The following PRH1 variants were observed in gnomAD, a reference collection of about 807,000 sequenced individuals.
PRH1 encodes the protein salivary acidic proline-rich phosphoprotein 1/2.
In PRH1, 7 loss-of-function variants were observed where a neutral mutation model predicts 7.9. The observed-to-expected ratio is 0.89, with a 90% CI of 0.50 to 1.67. PRH1 has a LOEUF of 1.67. Among genes scored for constraint, PRH1 ranks in the 40% most tolerant of loss-of-function variants. The pLI is 0.00. For synonymous variants in PRH1, 45 were observed against 80.8 expected (o/e 0.56, Z 2.38); for missense variants, 109 against 223.6 (o/e 0.49, Z 3.27).
intron 1 of PRH1, among the ~76,000 whole-genome samples, chr12:11,138,654 A>C (rs552967211): frequency 1.3e-5 from 2 of 152,262 alleles, no homozygotes; most frequent in Non-Finnish European, 2.9e-5. Context: ...TCTAGCAATC[A>C]TAAATATTCA....
intron 2 of PRH1, chr12:10,908,486 G>A: frequency 6.2e-7 from 1 of 1,613,902 alleles, no homozygotes. Flanking sequence ...AAGGAGAGAA[G>A]ACTCCAATCG....
intron 2 of PRH1, among the ~76,000 whole-genome samples, chr12:10,899,737 T>C (rs953217479): frequency 2.0e-5 from 3 of 152,180 alleles, no homozygotes; most frequent in East Asian, 3.8e-4. Flanking sequence ...CTTTTATTTA[T>C]AAATTACTCA....
chr12:10,924,720 T>A (rs908985524), intron 2 of PRH1, among the ~76,000 whole-genome samples: 1 of 152,180 alleles, frequency 6.6e-6, no homozygotes, highest in Admixed American at 6.5e-5. Flanking sequence ...TCTTCCTGGT[T>A]TAGTCTTGGG....
At chr12:11,098,117 CTT>C (rs1945115993) in intron 1 of PRH1, among the ~76,000 whole-genome samples, 1 of 26,466 alleles carries the variant, frequency 3.8e-5, no homozygotes, top group Non-Finnish European at 1.5e-4. Flanking sequence ...TTTAGTTTAT[CTT>C]TTAATAGCAT....
intron 2 of PRH1, among the ~76,000 whole-genome samples, chr12:10,962,555 C>A (rs1431646459): frequency 6.6e-6 from 1 of 152,174 alleles, no homozygotes; most frequent in African/African-American, 2.4e-5. Flanking sequence ...TTAGATAATT[C>A]TGTCATCTCA....
chr12:11,086,344 T>TTC (rs1944696236), intron 1 of PRH1, among the ~76,000 whole-genome samples: 1 of 125,140 alleles, frequency 8.0e-6, no homozygotes, highest in Admixed American at 8.0e-5. Flanking sequence ...AAAAACGTGT[T>TTC]CCATTGAAGA....
intron 1 of PRH1, chr12:10,997,188 T>G: frequency 6.2e-7 from 1 of 1,614,070 alleles, no homozygotes; most frequent in Non-Finnish European, 8.5e-7. Flanking sequence ...GAGGTCACAG[T>G]TTGCAGAGCT....
intron 2 of PRH1, among the ~76,000 whole-genome samples, chr12:10,962,484 T>C (rs933946917): frequency 9.9e-5 from 15 of 152,226 alleles, no homozygotes; most frequent in African/African-American, 3.4e-4. Flanking sequence ...AGGCTATATA[T>C]AGCGATATTT....
intron 1 of PRH1, chr12:11,061,464 G>A (rs553708509): frequency 3.1e-6 from 5 of 1,614,170 alleles, no homozygotes; most frequent in East Asian, 2.2e-5. Context: ...AAATCAGGAT[G>A]AATGGGTGGG....
intron 1 of PRH1, among the ~76,000 whole-genome samples, chr12:11,170,204 T>C (rs1425308164): frequency 6.6e-6 from 1 of 152,208 alleles, no homozygotes; most frequent in Admixed American, 6.5e-5. Context: ...AACAAAAGTA[T>C]TGTGGCTATT....
upstream of PRH1, among the ~76,000 whole-genome samples, chr12:10,884,821 A>G (rs1426484405): frequency 1.3e-5 from 2 of 152,190 alleles, no homozygotes; most frequent in Admixed American, 6.5e-5. Context: ...CACATATATG[A>G]GAGAAAGGTG....
chr12:11,079,447 T>C (rs1011682752), intron 1 of PRH1, among the ~76,000 whole-genome samples: 7 of 117,964 alleles, frequency 5.9e-5, no homozygotes, highest in African/African-American at 1.7e-4. Context: ...TCAGCCAAAC[T>C]AGCTTCAAGA....
At chr12:11,168,230 A>T in intron 1 of PRH1, among the ~76,000 whole-genome samples, 1 of 6,724 alleles carries the variant, frequency 1.5e-4, no homozygotes, top group African/African-American at 3.2e-4. Flanking sequence ...GAAAGAAAGA[A>T]AGAAAGAAAG....
At chr12:11,053,820 T>TTGTG (rs915577097) in intron 1 of PRH1, among the ~76,000 whole-genome samples, 7 of 151,164 alleles carry the variant, frequency 4.6e-5, no homozygotes, top group Admixed American at 2.0e-4. Context: ...GCTTTACATT[T>TTGTG]TGTGTGTGTG....
chr12:10,916,367 A>G (rs191648687), intron 2 of PRH1, among the ~76,000 whole-genome samples: 1 of 152,296 alleles, frequency 6.6e-6, no homozygotes, highest in East Asian at 1.9e-4. Context: ...AGTTTAACAT[A>G]TTATGAGACA....
rs199864169 is a variant in PRH1, at chr12:11,168,368, AAAAGAAAGAAAGAAAGAAAGAAAGAAAG to A, written n.39+3026_39+3053del. ...GGGAAAGAAAGGAAAGAAAAGAAAGAAAAGAAAGAAAGAAAGAAAGAAAGAAAGAAAGAAAGAAAGAAAGAAAGAAAGG... is the reference window on the plus strand; with the variant it reads ...GGGAAAGAAAGGAAAGAAAAGAAAGAAAAGAAAGAAAGAAAGAAAGAAAGG... On this transcript the variant is annotated intron_variant and non_coding_transcript_variant, in intron 1 of 1. Coordinates refer to the PRH1 transcript ENST00000541175. Among the ~76,000 whole-genome samples, 77 of 36,094 alleles carry A rather than the reference AAAAGAAAGAAAGAAAGAAAGAAAGAAAG, an allele frequency of 2.1e-3. 18 individuals are homozygous for A. Among genetic ancestry groups the A allele is most frequent in the East Asian group, 6.8e-3 (16 of 2,342 alleles). The allele number at this position is 36,094 out of a possible 152,430, so 23.7% of individuals were successfully genotyped here. A position where few individuals can be genotyped will look rare whatever the true frequency, so the allele number is the denominator to read the frequency against.
At chr12:10,935,557 C>T (rs1483667678) in intron 2 of PRH1, among the ~76,000 whole-genome samples, 1 of 152,094 alleles carries the variant, frequency 6.6e-6, no homozygotes, top group Non-Finnish European at 1.5e-5. Context: ...GAATTGTCCT[C>T]ATTTTGTACT....
chr12:10,929,341 A>C, intron 2 of PRH1: 1 of 1,614,140 alleles, frequency 6.2e-7, no homozygotes, highest in Non-Finnish European at 8.5e-7. Context: ...GATGAAGGTA[A>C]GCCGAATTGG....
chr12:11,028,842 C>T (rs1942041850), intron 1 of PRH1, among the ~76,000 whole-genome samples: 1 of 143,786 alleles, frequency 7.0e-6, no homozygotes, highest in Non-Finnish European at 1.5e-5. Context: ...CCAAACTTTT[C>T]CTTAGGAGAA....
Sources: gnomAD v4.1 joint callset for allele counts (sites outside exome capture counted in the v4.1 genomes callset) on GRCh38, gnomAD v4.1.1 for gene constraint, MANE v1.5 for transcripts, NCBI Gene and HGNC (gene_info 2026-07-23, HGNC 2026-07-21) for gene names.